Variants in ZNF722 observed in about 807,000 individuals in gnomAD.
ZNF722 encodes zinc finger protein 479 pseudogene.
chr7:64,011,106 A>G, the ZNF722 span, among the ~76,000 whole-genome samples: 5 of 151,308 alleles, frequency 3.3e-5, no homozygotes, highest in Non-Finnish European at 5.9e-5. Context: ...GTGAGGATGG[A>G]TCTTCCTCCA....
chr7:64,012,083 T>C, the ZNF722 span, among the ~76,000 whole-genome samples: 338 of 152,320 alleles, frequency 2.2e-3, no homozygotes, highest in African/African-American at 7.8e-3. Flanking sequence ...AGCTTGTGCA[T>C]GCGTCACATA....
At chr7:64,008,203 C>T in the ZNF722 span, among the ~76,000 whole-genome samples, 8 of 152,300 alleles carry the variant, frequency 5.3e-5, no homozygotes, top group East Asian at 1.5e-3. Context: ...TGTCTGTTCA[C>T]TCTGATGGTA....
chr7:64,007,309 G>A, the ZNF722 span, among the ~76,000 whole-genome samples: 1 of 150,390 alleles, frequency 6.6e-6, no homozygotes, highest in Non-Finnish European at 1.5e-5. Flanking sequence ...TGTTACATAT[G>A]TATACATGTG....
the ZNF722 span, among the ~76,000 whole-genome samples, chr7:64,005,061 G>A: frequency 6.6e-6 from 1 of 152,164 alleles, no homozygotes; most frequent in Non-Finnish European, 1.5e-5. Flanking sequence ...CACTTTGGGA[G>A]GCCGAGGTGG....
chr7:64,008,975 G>T, the ZNF722 span, among the ~76,000 whole-genome samples: 1 of 152,112 alleles, frequency 6.6e-6, no homozygotes, highest in Admixed American at 6.6e-5. Context: ...TTGTAAGTTG[G>T]ATTCCTAGGT....
chr7:63,999,854 C>G, the ZNF722 span, among the ~76,000 whole-genome samples: 1 of 151,656 alleles, frequency 6.6e-6, no homozygotes, highest in Admixed American at 6.6e-5. Context: ...CCCGCCACGA[C>G]CAGGCTAATT....
chr7:64,004,425 A>AAATATATAT, the ZNF722 span, among the ~76,000 whole-genome samples: 279 of 61,048 alleles, frequency 4.6e-3, 1 homozygote, highest in East Asian at 0.019. Flanking sequence ...AAAAAAAAAA[A>AAATATATAT]ATATATATAT....
chr7:63,999,131 G>C, the ZNF722 span: 15 of 1,096,672 alleles, frequency 1.4e-5, no homozygotes, highest in Admixed American at 1.0e-4. Flanking sequence ...CCTTGTCCCA[G>C]CTCGGCTTTT....
the ZNF722 span, chr7:64,015,628 AGAGAATT>A: frequency 6.2e-7 from 1 of 1,613,924 alleles, no homozygotes; most frequent in Non-Finnish European, 8.5e-7. Context: ...ACTAACCACA[AGAGAATT>A]CATACTGGAG....
the ZNF722 span, among the ~76,000 whole-genome samples, chr7:64,000,640 A>G: frequency 6.8e-6 from 1 of 146,800 alleles, no homozygotes; most frequent in African/African-American, 2.5e-5. Context: ...TAGTAGAGAC[A>G]CAGTTTTGCC....
chr7:64,010,143 A>G, the ZNF722 span, among the ~76,000 whole-genome samples: 1 of 151,546 alleles, frequency 6.6e-6, no homozygotes, highest in Non-Finnish European at 1.5e-5. Flanking sequence ...TTTATTCTTT[A>G]TTAGTCTTGC....
the ZNF722 span, chr7:64,006,289 A>C: frequency 3.0e-6 from 4 of 1,311,694 alleles, no homozygotes; most frequent in Non-Finnish European, 4.3e-6. Context: ...TTGGAATATA[A>C]AGAGAAATGA....
chr7:64,007,438 G>A, the ZNF722 span, among the ~76,000 whole-genome samples: 1 of 151,920 alleles, frequency 6.6e-6, no homozygotes, highest in African/African-American at 2.4e-5. Context: ...TCCCCGCCCT[G>A]TGTCCAAGTG....
At chr7:64,008,954 C>T in the ZNF722 span, among the ~76,000 whole-genome samples, 1 of 152,084 alleles carries the variant, frequency 6.6e-6, no homozygotes, top group Non-Finnish European at 1.5e-5. Flanking sequence ...TAAAGAGGTC[C>T]TTCACATCCC....
the ZNF722 span, among the ~76,000 whole-genome samples, chr7:64,007,576 C>CT: frequency 6.6e-6 from 1 of 152,068 alleles, no homozygotes; most frequent in Non-Finnish European, 1.5e-5. Context: ...TGAACTCATC[C>CT]TTTTTTATGG....
chr7:64,015,836 A>G, the ZNF722 span: 1 of 1,605,074 alleles, frequency 6.2e-7, no homozygotes, highest in Non-Finnish European at 8.5e-7. Context: ...AATGTGAAGA[A>G]TGTGACAAAG....
the ZNF722 span, among the ~76,000 whole-genome samples, chr7:64,018,013 T>G: frequency 6.6e-6 from 1 of 152,188 alleles, no homozygotes; most frequent in African/African-American, 2.4e-5. Flanking sequence ...AATTGTACCT[T>G]TATGTAATAA....
chr7:64,015,198 G>T, the ZNF722 span: 9 of 1,281,750 alleles, frequency 7.0e-6, no homozygotes, highest in African/African-American at 1.3e-4. Flanking sequence ...TTATAATGAA[G>T]TTAAGCAATG....
At chr7:64,004,750 A>T in the ZNF722 span, among the ~76,000 whole-genome samples, 3 of 152,112 alleles carry the variant, frequency 2.0e-5, no homozygotes, top group Non-Finnish European at 4.4e-5. Context: ...TTTGTCTTTT[A>T]AAAATGAAGG....
Sources: gnomAD v4.1 joint callset for allele counts (sites outside exome capture counted in the v4.1 genomes callset) on GRCh38, gnomAD v4.1.1 for gene constraint, MANE v1.5 for transcripts, NCBI Gene and HGNC (gene_info 2026-07-23, HGNC 2026-07-21) for gene names.